Variants in CIZ1 observed in about 807,000 individuals in gnomAD.
CIZ1 encodes cip1-interacting zinc finger protein.
Under a neutral mutation model 118.6 loss-of-function variants are expected in CIZ1, and 58 were observed. The observed-to-expected ratio is 0.49, with a 90% CI of 0.40 to 0.61. The LOEUF (loss-of-function observed/expected upper bound fraction) is 0.61. CIZ1 is among the 20% of genes least tolerant of loss of function. The pLI is 0.00. For missense variants in CIZ1, 921 were observed against 1,115.9 expected (o/e 0.83, Z 2.49); for synonymous variants, 448 against 443.4 (o/e 1.01, Z -0.13).
intron 4 of CIZ1, among the ~76,000 whole-genome samples, chr9:128,186,795 G>T (rs2131003254): frequency 6.6e-6 from 1 of 152,094 alleles, no homozygotes; most frequent in East Asian, 1.9e-4. Context: ...TGTTCCCTCT[G>T]CCTGGGCTGT....
intron 5 of CIZ1, among the ~76,000 whole-genome samples, chr9:128,182,247 G>A (rs567741505): frequency 3.3e-5 from 5 of 152,190 alleles, no homozygotes; most frequent in East Asian, 1.9e-4. Context: ...GTGGTCCCCC[G>A]GGCCCAGCTG....
At chr9:128,192,085 G>T, upstream of CIZ1, 1 of 482,610 alleles carries the variant, frequency 2.1e-6, no homozygotes, top group South Asian at 5.2e-5. Context: ...GAGGAGGGTC[G>T]AGGCCAATTA....
intron 1 of CIZ1, chr9:128,198,296 C>G (rs529152983): frequency 6.6e-6 from 1 of 152,406 alleles, no homozygotes; most frequent in East Asian, 1.9e-4. Context: ...AGGATGATCC[C>G]TGCGTCTTAT....
chr9:128,176,427 C>G lies in CIZ1; in HGVS notation c.1867G>C (p.Glu623Gln), dbSNP rs2130942814. The G allele has an allele frequency of 1.2e-6, 2 of 1,613,932 alleles. No individual in the cohort carries two copies. The highest frequency in any genetic ancestry group is 1.7e-6 in the Non-Finnish European group (2 of 1,180,002). The change falls in exon 11 of 17, where the codon GAG becomes CAG. Residue 623 changes from glutamate (E) to glutamine (Q), a missense_variant. Coordinates refer to ENST00000372938, the MANE Select transcript of CIZ1 (RefSeq NM_001131016.2). ...SEPQHQQRLG[E>Q]IQHMSQACLL... is the part of the protein sequence containing the mutation. The stretch of plus-strand genomic sequence containing the variant: ...CAGGCTTGGCTCATGTGCTGGATCT[C>G]CCCTAGCCGCTGCTGGTGCTGAGGC...
rs1198503127 is a variant in CIZ1, at chr9:128,203,794, C to G, written c.-6+392G>C. On this transcript the variant is annotated intron_variant, in intron 1 of 17. Transcript: ENST00000372948. The surrounding 1 kb of genome is among the most constrained non-coding windows in gnomAD (Gnocchi z 5.3). The stretch of plus-strand genomic sequence containing the variant: ...GAGCGAGGAGGCCCTCCCCCCACCA[C>G]GAGAGCCCCTCGGGGCAGCAGCGCC... 6.7e-6 allele frequency among the ~76,000 whole-genome samples: 1 copy of G among 149,912 alleles called. No individual in the cohort carries two copies. Among genetic ancestry groups the G allele is most frequent in the Non-Finnish European group, 1.5e-5 (1 of 67,190 alleles).
intron 5 of CIZ1, among the ~76,000 whole-genome samples, chr9:128,181,771 G>A (rs918199778): frequency 3.3e-5 from 5 of 151,694 alleles, no homozygotes; most frequent in South Asian, 2.1e-4. Flanking sequence ...AGGCGGGGGG[G>A]GGGGGGGGGT....
In CIZ1 at chr9:128,179,018, C is replaced by T. The variant is rs1831227257; in HGVS notation, c.1189G>A (p.Ala397Thr). 1 of 1,612,442 alleles carries T rather than the reference C, an allele frequency of 6.2e-7. No homozygotes were observed. The highest frequency in any genetic ancestry group is 1.3e-5 in the African/African-American group (1 of 74,870). ...GGCTGCACCTGCTTCAGCGGCTCTG[C>T]CTCCTGCTGCAGCTGCACCTGCCTT... ...GPRQVQLQQE[A>T]EPLKQVQPQV... Residue 397 changes from alanine (A) to threonine (T), a missense_variant, in exon 8 of 17, where the codon GCA (alanine) becomes ACA (threonine). Transcript: ENST00000372938.
At chr9:128,190,579 CCAGGACT>C in intron 2 of CIZ1, 102 bp downstream of exon 2, 1 of 1,430,606 alleles carries the variant, frequency 7.0e-7, no homozygotes, top group Non-Finnish European at 9.5e-7. Context: ...TTGGTGATCT[CCAGGACT>C]CAAACGGGGA....
At chr9:128,187,167 T>C (rs1832485779) in intron 4 of CIZ1, among the ~76,000 whole-genome samples, 1 of 152,200 alleles carries the variant, frequency 6.6e-6, no homozygotes, top group African/African-American at 2.4e-5. Context: ...CTCAAACTCC[T>C]GACCTCAGGG....
chr9:128,178,748 C>A lies in CIZ1; in HGVS notation c.1459G>T (p.Gly487Trp). 1 of 1,614,172 alleles carries A rather than the reference C, an allele frequency of 6.2e-7. No homozygotes were observed. The change falls in exon 8 of 17, where the codon GGG becomes TGG. Residue 487 changes from glycine (G) to tryptophan (W), a missense_variant. Physicochemically the swap from Gly to Trp is radical, Grantham distance 184 (BLOSUM62 -2). Coordinates refer to ENST00000372938, the MANE Select transcript of CIZ1 (RefSeq NM_001131016.2). ...ACTGCATCAGGTGGCATCTCCAGCC[C>A]GCAGACATGAACCACAACTGGTGTT... ...EQTPVVVHVC[G>W]LEMPPDAVEA...
chr9:128,192,350 A>G (rs1833228316), upstream of CIZ1, among the ~76,000 whole-genome samples: 2 of 145,886 alleles, frequency 1.4e-5, no homozygotes. Flanking sequence ...AGCCTGAGCG[A>G]CAGAGCAAGA....
rs534428651 is a variant in CIZ1, at chr9:128,188,284, C to T, written c.287-350G>A. On this transcript the variant is annotated intron_variant, in intron 3 of 16. Coordinates refer to ENST00000372938, the MANE Select transcript of CIZ1 (RefSeq NM_001131016.2). Reference sequence around the variant, plus strand: ...TATTCAGTGACAAAGAAACAGGGTACAGCCTGGGACTTATATCAATCACAA... The same window carrying T: ...TATTCAGTGACAAAGAAACAGGGTATAGCCTGGGACTTATATCAATCACAA... Among the ~76,000 whole-genome samples the T allele has an allele frequency of 1.1e-3, 164 of 152,138 alleles. 1 individual carries two copies. The highest frequency in any genetic ancestry group is 6.8e-3 in the Middle Eastern group (2 of 294).
chr9:128,179,127 C>CT lies in CIZ1; in HGVS notation c.1079dup (p.Val361GlyfsTer103). 1 of 1,614,132 alleles carries CT rather than the reference C, an allele frequency of 6.2e-7. No individual in the cohort carries two copies. The highest frequency in any genetic ancestry group is 8.5e-7 in the Non-Finnish European group (1 of 1,180,034). ...CCTCCTGCTGCAGCTGTGGCTGCAC[C>CT]TGCTTCTGTTGCAGCACTAAGTGCT... is the stretch of plus-strand genomic sequence containing the variant. On this transcript the variant is annotated frameshift_variant, in exon 8 of 17. Transcript: ENST00000372938. LOFTEE classifies it high-confidence loss of function.
At chr9:128,196,224 C>T (rs766456732), upstream of CIZ1, among the ~76,000 whole-genome samples, 24 of 152,040 alleles carry the variant, frequency 1.6e-4, no homozygotes, top group Non-Finnish European at 2.8e-4. Flanking sequence ...GAAAAACTGA[C>T]GTCTTTACCC....
chr9:128,166,570 C>A lies in CIZ1; in HGVS notation c.2488-164G>T. On this transcript the variant is annotated intron_variant, in intron 16 of 16. Coordinates refer to ENST00000372938, the MANE Select transcript of CIZ1 (RefSeq NM_001131016.2). The surrounding 1 kb of genome is among the most constrained non-coding windows in gnomAD (Gnocchi z 4.4). ...GCCGTCTCTGGAGCTAACAGCCTGGCACTCAGCATCCCCTTGAACAATAAG... is the reference window on the plus strand; with the variant it reads ...GCCGTCTCTGGAGCTAACAGCCTGGAACTCAGCATCCCCTTGAACAATAAG... 1 of 927,584 alleles carries A rather than the reference C, an allele frequency of 1.1e-6. No homozygotes were observed. Among genetic ancestry groups the A allele is most frequent in the Non-Finnish European group, 1.6e-6 (1 of 619,786 alleles). 57.5% of individuals were successfully genotyped at this position (927,584 alleles called of 1,614,324 possible).
intron 1 of CIZ1, among the ~76,000 whole-genome samples, chr9:128,202,453 G>A (rs1258415606): frequency 1.3e-5 from 2 of 152,200 alleles, no homozygotes; most frequent in Non-Finnish European, 2.9e-5. Context: ...CTGATGGGTT[G>A]GAGCAAAGAC....
rs1288421257 is a variant in CIZ1, at chr9:128,179,300, G to C, written c.907C>G (p.Leu303Val). Residue 303 changes from leucine to valine, a missense_variant, in exon 8 of 17, where the codon CTG becomes GTG. Physicochemically the swap from Leu to Val is conservative, Grantham distance 32. Transcript: ENST00000372938. ...AATCGTGGCAGCACTTGGGCTTCCAGGGCCTCAGGCAGCAGGTCTGGTGTC... is the reference window on the plus strand; with the variant it reads ...AATCGTGGCAGCACTTGGGCTTCCACGGCCTCAGGCAGCAGGTCTGGTGTC... ...TQTPDLLPEA[L>V]EAQVLPRFQP... is the part of the protein sequence containing the mutation. 5 of 1,614,008 alleles carry C rather than the reference G, an allele frequency of 3.1e-6. No individual in the cohort carries two copies. The highest frequency in any genetic ancestry group is 4.2e-6 in the Non-Finnish European group (5 of 1,180,046).
chr9:128,180,405 C>G lies in CIZ1; in HGVS notation c.791+10G>C. 1 of 1,609,494 alleles carries G rather than the reference C, an allele frequency of 6.2e-7. No homozygotes were observed. Among genetic ancestry groups the G allele is most frequent in the Non-Finnish European group, 8.5e-7 (1 of 1,175,862 alleles). On this transcript the variant is annotated intron_variant, in intron 7 of 16. Coordinates refer to ENST00000372938, the MANE Select transcript of CIZ1 (RefSeq NM_001131016.2). ...ACCCGGGCGCAGGTCAGGTTTTCAGCATCAGTTACCTCCTCAATCTCTTTG... is the reference window on the plus strand; with the variant it reads ...ACCCGGGCGCAGGTCAGGTTTTCAGGATCAGTTACCTCCTCAATCTCTTTG...
chr9:128,202,081 G>T (rs554764548), intron 1 of CIZ1, among the ~76,000 whole-genome samples: 1 of 152,342 alleles, frequency 6.6e-6, no homozygotes, highest in South Asian at 2.1e-4. Context: ...CCACATGTGG[G>T]TAAGGACTTT....
Sources: allele counts gnomAD v4.1 joint callset (sites outside exome capture counted in the v4.1 genomes callset), GRCh38; gene constraint gnomAD v4.1.1; non-coding constraint Gnocchi (gnomAD v3.1); transcripts MANE v1.5; gene names NCBI Gene and HGNC (gene_info 2026-07-23, HGNC 2026-07-21).